PLPP1: variants seen among roughly 807,000 people sequenced by gnomAD.
PLPP1 encodes the protein lipid phosphate phosphohydrolase 1a.
Under a neutral mutation model 31.2 loss-of-function variants are expected in PLPP1, and 24 were observed. That is an observed-to-expected ratio of 0.77 (90% CI 0.56 to 1.08). The LOEUF (loss-of-function observed/expected upper bound fraction) is 1.08, where lower values mean the gene tolerates loss of function less well. Among genes scored for constraint, PLPP1 ranks in the 50% least tolerant of loss-of-function variants. The pLI, the probability that PLPP1 is intolerant of heterozygous loss-of-function variation, is 0.00. For missense variants in PLPP1, 319 were observed against 342.7 expected (o/e 0.93, Z 0.55); for synonymous variants, 146 against 126.3 (o/e 1.16, Z -1.05).
At position 55,425,243 on chromosome 5, in the gene PLPP1, G is replaced by A; in HGVS notation, c.818C>T (p.Thr273Ile). The change falls in exon 6 of 6, where the codon ACA (threonine) becomes ATA (isoleucine). Residue 273 changes from threonine (T) to isoleucine (I), a missense_variant. By Grantham distance (89) the Thr-to-Ile change is moderately conservative. Transcript: ENST00000307259. ...ATTGCTCGGATAGTGATTCCCAGTTGTTGGTGTTTCATGCAGAGTTGTATG... is the reference window on the plus strand; with the variant it reads ...ATTGCTCGGATAGTGATTCCCAGTTATTGGTGTTTCATGCAGAGTTGTATG... ...DSHTTLHETP[T>I]TGNHYPSNHQ... is the part of the protein sequence containing the mutation. The A allele has an allele frequency of 6.2e-7, 1 of 1,613,848 alleles. No homozygotes were observed. The highest frequency in any genetic ancestry group is 1.3e-5 in the African/African-American group (1 of 75,026).
At chr5:55,497,727 T>TAC (rs1398777562) in intron 1 of PLPP1, among the ~76,000 whole-genome samples, 4 of 152,140 alleles carry the variant, frequency 2.6e-5, no homozygotes, top group African/African-American at 4.8e-5. Context: ...AGGGACTATT[T>TAC]ACAAGGTGTG....
chr5:55,466,138 T>C (rs1224331546), intron 3 of PLPP1, among the ~76,000 whole-genome samples: 1 of 152,178 alleles, frequency 6.6e-6, no homozygotes, highest in East Asian at 1.9e-4. Flanking sequence ...CACTTTTCCC[T>C]CCTTCATTAA....
intron 4 of PLPP1, among the ~76,000 whole-genome samples, chr5:55,434,794 G>T (rs1242770424): frequency 6.6e-6 from 1 of 152,092 alleles, no homozygotes; most frequent in Non-Finnish European, 1.5e-5. Context: ...GACCTGAAAC[G>T]ATAAAACTAA....
At chr5:55,478,165 CT>C (rs1469000100) in intron 1 of PLPP1, among the ~76,000 whole-genome samples, 8 of 152,048 alleles carry the variant, frequency 5.3e-5, no homozygotes, top group African/African-American at 9.7e-5. Flanking sequence ...TTGTTCCCCC[CT>C]GACCACAAAA....
In PLPP1 at chr5:55,498,383, G is replaced by A. The variant is rs546805492; in HGVS notation, c.59-22933C>T. 3.0e-5 allele frequency among the ~76,000 whole-genome samples: 4 copies of A among 132,238 alleles called. No homozygotes were observed. In the South Asian group the frequency reaches 8.2e-4, roughly 27 times the overall value. 86.8% of individuals were successfully genotyped at this position (132,238 alleles called of 152,430 possible). On this transcript the variant is annotated intron_variant, in intron 1 of 5. Coordinates refer to ENST00000307259, the MANE Select transcript of PLPP1 (RefSeq NM_003711.4). ...AGTTATTCCTACACAACTGTGGATC[G>A]TGTCTCTGTGTACATATAGATGTGT...
intron 1 of PLPP1, among the ~76,000 whole-genome samples, chr5:55,519,407 T>C (rs1753616714): frequency 6.6e-6 from 1 of 152,246 alleles, no homozygotes. Context: ...ATGCTAGTGA[T>C]ACTTTCTAGA....
intron 1 of PLPP1, among the ~76,000 whole-genome samples, chr5:55,520,523 A>G (rs1753641450): frequency 6.6e-6 from 1 of 152,218 alleles, no homozygotes; most frequent in Admixed American, 6.5e-5. Context: ...ACATTGTCTC[A>G]TGCATTATCT....
chr5:55,468,349 G>A, intron 2 of PLPP1, 200 bp from the exon 3 acceptor site: 1 of 485,498 alleles, frequency 2.1e-6, no homozygotes, highest in Non-Finnish European at 3.6e-6. Flanking sequence ...TCATATCAAT[G>A]GTGGACATTA....
chr5:55,432,903 G>A (rs1751393785), intron 4 of PLPP1, among the ~76,000 whole-genome samples: 2 of 151,918 alleles, frequency 1.3e-5, no homozygotes, highest in South Asian at 4.1e-4. Context: ...CCTAAACAGG[G>A]AAAAGCTGAA....
intron 1 of PLPP1, among the ~76,000 whole-genome samples, chr5:55,506,345 G>A (rs1753279236): frequency 6.6e-6 from 1 of 150,538 alleles, no homozygotes; most frequent in Non-Finnish European, 1.5e-5. Flanking sequence ...TCACCCAAGT[G>A]CACAGCACTT....
intron 3 of PLPP1, among the ~76,000 whole-genome samples, chr5:55,456,917 T>C (rs1200669297): frequency 1.3e-5 from 2 of 152,098 alleles, no homozygotes; most frequent in Non-Finnish European, 2.9e-5. Flanking sequence ...ATCCCAGCAC[T>C]TTGGGAGGCT....
At chr5:55,533,510 G>T (rs943706767) in intron 1 of PLPP1, among the ~76,000 whole-genome samples, 5 of 152,134 alleles carry the variant, frequency 3.3e-5, no homozygotes, top group Non-Finnish European at 5.9e-5. Context: ...CTGGAGAGTG[G>T]AATAACTAGG....
chr5:55,473,101 A>C (rs1051166293), intron 2 of PLPP1, among the ~76,000 whole-genome samples: 1 of 152,354 alleles, frequency 6.6e-6, no homozygotes, highest in African/African-American at 2.4e-5. Context: ...AAAATGTTAT[A>C]TTTAATTGCT....
intron 1 of PLPP1, among the ~76,000 whole-genome samples, chr5:55,495,998 C>CA (rs1752996134): frequency 6.6e-6 from 1 of 152,124 alleles, no homozygotes; most frequent in Non-Finnish European, 1.5e-5. Context: ...GCTGGGACCA[C>CA]AGGCACGCGC....
chr5:55,491,230 G>C, intron 1 of PLPP1: 1 of 1,052,372 alleles, frequency 9.5e-7, no homozygotes, highest in Non-Finnish European at 1.4e-6. Context: ...TCTGGAGATG[G>C]ATCTCCATTA....
At chr5:55,513,576 T>C (rs911734146) in intron 1 of PLPP1, among the ~76,000 whole-genome samples, 1 of 152,050 alleles carries the variant, frequency 6.6e-6, no homozygotes, top group Non-Finnish European at 1.5e-5. Flanking sequence ...CCGGCCTATA[T>C]TAACTCTTGA....
At chr5:55,487,131 C>T (rs4865947) in intron 1 of PLPP1, among the ~76,000 whole-genome samples, 128,957 of 152,164 alleles carry the variant, frequency 0.85, 55,006 homozygotes, top group South Asian at 0.92. Context: ...GTACTCAAGT[C>T]GATTTAAAAT....
intron 3 of PLPP1, among the ~76,000 whole-genome samples, chr5:55,455,551 G>T (rs914391625): frequency 4.6e-5 from 7 of 152,210 alleles, no homozygotes; most frequent in African/African-American, 1.7e-4. Context: ...CACCCGGGAG[G>T]TCAAGGCTGT....
intron 1 of PLPP1, among the ~76,000 whole-genome samples, chr5:55,503,843 G>C (rs1173955332): frequency 9.9e-6 from 1 of 101,296 alleles, no homozygotes; most frequent in African/African-American, 3.9e-5. Context: ...ATGAAGGGGA[G>C]GGGAGAGAGG....
Sources: gnomAD v4.1 joint callset for allele counts (sites outside exome capture counted in the v4.1 genomes callset) on GRCh38, gnomAD v4.1.1 for gene constraint, MANE v1.5 for transcripts, NCBI Gene and HGNC (gene_info 2026-07-23, HGNC 2026-07-21) for gene names.